The following CDH18 variants were observed in gnomAD, a reference collection of about 807,000 sequenced individuals.
CDH18 encodes cadherin 18.
CDH18 carries 31 observed loss-of-function variants against 67.9 expected under a neutral mutation model. That is an observed-to-expected ratio of 0.46 (90% CI 0.34 to 0.62). The LOEUF is 0.62. Among genes scored for constraint, CDH18 ranks in the 20% least tolerant of loss-of-function variants. The pLI, the probability that CDH18 is intolerant of heterozygous loss-of-function variation, is 0.01. For missense variants in CDH18, 890 were observed against 975.5 expected (o/e 0.91, Z 1.17); for synonymous variants, 362 against 347.2 (o/e 1.04, Z -0.48).
intron 11 of CDH18, among the ~76,000 whole-genome samples, chr5:19,500,170 A>G (rs1743007493): frequency 6.6e-6 from 1 of 151,696 alleles, no homozygotes; most frequent in African/African-American, 2.4e-5. Flanking sequence ...GCATTTTCTG[A>G]CCCTTATTCC....
intron 2 of CDH18, among the ~76,000 whole-genome samples, chr5:20,022,229 T>C (rs1738490200): frequency 6.6e-6 from 1 of 152,236 alleles, no homozygotes; most frequent in South Asian, 2.1e-4. Flanking sequence ...TTCTCTGTTG[T>C]TGTACTATAA....
intron 1 of CDH18, among the ~76,000 whole-genome samples, chr5:20,362,685 C>A (rs1742181508): frequency 6.6e-6 from 1 of 152,066 alleles, no homozygotes; most frequent in Admixed American, 6.6e-5. Context: ...GCTAGTGATG[C>A]CTGGCAAGAA....
At chr5:20,041,137 C>G (rs1027455487) in intron 2 of CDH18, among the ~76,000 whole-genome samples, 1 of 152,144 alleles carries the variant, frequency 6.6e-6, no homozygotes, top group Non-Finnish European at 1.5e-5. Flanking sequence ...ATTCTAGAAT[C>G]GGGGCCTTCC....
At chr5:20,306,870 A>G (rs2149980515) in intron 1 of CDH18, among the ~76,000 whole-genome samples, 1 of 50,924 alleles carries the variant, frequency 2.0e-5, no homozygotes, top group African/African-American at 1.3e-4. Context: ...GATTTAATAC[A>G]TGTGATAATT....
chr5:19,947,166 G>A (rs1795349809), intron 2 of CDH18, among the ~76,000 whole-genome samples: 1 of 151,908 alleles, frequency 6.6e-6, no homozygotes, highest in Non-Finnish European at 1.5e-5. Context: ...TTATCCTAAG[G>A]TCAGGAAAAT....
At chr5:19,628,895 G>C (rs1751977801) in intron 5 of CDH18, among the ~76,000 whole-genome samples, 1 of 151,458 alleles carries the variant, frequency 6.6e-6, no homozygotes, top group African/African-American at 2.4e-5. Flanking sequence ...AAAGGTAAAA[G>C]CAAAAGATGC....
At chr5:19,550,278 T>G (rs530129581) in intron 8 of CDH18, among the ~76,000 whole-genome samples, 2 of 152,126 alleles carry the variant, frequency 1.3e-5, no homozygotes, top group African/African-American at 2.4e-5. Flanking sequence ...TTATTATTAT[T>G]ATACTTTAAG....
chr5:19,537,425 A>G (rs1195390111), intron 9 of CDH18, among the ~76,000 whole-genome samples: 1 of 151,850 alleles, frequency 6.6e-6, no homozygotes, highest in Non-Finnish European at 1.5e-5. Context: ...ATCTCAATAT[A>G]TGTACATATG....
intron 3 of CDH18, among the ~76,000 whole-genome samples, chr5:19,806,899 C>T (rs189132983): frequency 1.7e-3 from 254 of 152,294 alleles, no homozygotes; most frequent in Non-Finnish European, 2.2e-3. Context: ...TATTTCCTCA[C>T]TGGGGAAACC....
At chr5:19,483,135 T>G (rs552624830) in intron 12 of CDH18, among the ~76,000 whole-genome samples, 166 bp downstream of exon 12, 1 of 152,322 alleles carries the variant, frequency 6.6e-6, no homozygotes, top group Non-Finnish European at 1.5e-5. Context: ...TATTTGAATC[T>G]AACTATTTTG....
intron 2 of CDH18, among the ~76,000 whole-genome samples, chr5:20,111,546 C>CTTTTT (rs760458451): frequency 2.7e-4 from 14 of 51,896 alleles, no homozygotes; most frequent in Non-Finnish European, 4.5e-4. Context: ...TTCCTTCTTT[C>CTTTTT]TTTTTTTTTT....
intron 2 of CDH18, among the ~76,000 whole-genome samples, chr5:20,173,108 G>A (rs976997610): frequency 2.0e-5 from 3 of 152,140 alleles, no homozygotes; most frequent in African/African-American, 7.2e-5. Context: ...AGAGGCTAAT[G>A]TGAACCACTG....
chr5:19,620,298 G>A (rs35504416), intron 5 of CDH18, among the ~76,000 whole-genome samples: 3 of 152,282 alleles, frequency 2.0e-5, no homozygotes, highest in South Asian at 2.1e-4. Context: ...GGGTATATAC[G>A]TCGTGTATTT....
Position 19,987,293 on chromosome 5 carries a change from T to C in CDH18, c.-376+793A>G, listed in dbSNP as rs576599216. Among the ~76,000 whole-genome samples, 9 of 140,430 alleles carry C rather than the reference T, an allele frequency of 6.4e-5. 2 individuals are homozygous for C. In the East Asian group the frequency reaches 9.2e-4, roughly 14 times the overall value. The allele number at this position is 140,430 out of a possible 152,430, so 92.1% of individuals were successfully genotyped here. A position where few individuals can be genotyped will look rare whatever the true frequency, so the allele number is the denominator to read the frequency against. Reference sequence around the variant, plus strand: ...ACACACACACACACACACACACGCATAAGGCATAATTTACCTTGTTTTGCA... The same window carrying C: ...ACACACACACACACACACACACGCACAAGGCATAATTTACCTTGTTTTGCA... On this transcript the variant is annotated intron_variant, in intron 1 of 12. Coordinates refer to ENST00000382275, the MANE Select transcript of CDH18 (RefSeq NM_004934.5).
chr5:19,879,141 T>C (rs1157692160), intron 2 of CDH18, among the ~76,000 whole-genome samples: 1 of 152,050 alleles, frequency 6.6e-6, no homozygotes, highest in Non-Finnish European at 1.5e-5. Flanking sequence ...CTTAACTTGC[T>C]CATTACACTT....
At chr5:19,926,385 G>T (rs1292148165) in intron 2 of CDH18, among the ~76,000 whole-genome samples, 2 of 152,088 alleles carry the variant, frequency 1.3e-5, no homozygotes, top group African/African-American at 4.8e-5. Context: ...ACCAACTTTT[G>T]TACAGACCTC....
chr5:19,481,891 C>A (rs1739482568), intron 12 of CDH18, among the ~76,000 whole-genome samples: 1 of 152,038 alleles, frequency 6.6e-6, no homozygotes, highest in South Asian at 2.1e-4. Flanking sequence ...GACACAGGTC[C>A]CCACTTGATG....
chr5:19,894,490 C>T (rs571701606), intron 2 of CDH18, among the ~76,000 whole-genome samples: 185 of 151,152 alleles, frequency 1.2e-3, no homozygotes, highest in African/African-American at 4.2e-3. Context: ...TGTCTGGCTA[C>T]CTAAAAAAAA....
intron 1 of CDH18, among the ~76,000 whole-genome samples, chr5:20,360,435 C>T (rs144848525): frequency 6.6e-6 from 1 of 152,262 alleles, no homozygotes; most frequent in African/African-American, 2.4e-5. Context: ...TGAGCATGGA[C>T]TCTTGGCTTT....
Sources: allele counts gnomAD v4.1 joint callset (sites outside exome capture counted in the v4.1 genomes callset), GRCh38; gene constraint gnomAD v4.1.1; transcripts MANE v1.5; gene names NCBI Gene and HGNC (gene_info 2026-07-23, HGNC 2026-07-21).